The following UBR1 variants were observed in gnomAD, a reference collection of about 807,000 sequenced individuals.
UBR1 encodes the protein E3 ubiquitin-protein ligase UBR1.
A neutral mutation model predicts 242.1 loss-of-function variants in UBR1; 102 were observed. That is an observed-to-expected ratio of 0.42 (90% CI 0.36 to 0.50). The LOEUF is 0.50. Ranked by LOEUF, UBR1 falls within the 20% of genes least tolerant of loss-of-function variation. UBR1 has a pLI of 0.01. For synonymous variants in UBR1, 675 were observed against 684.8 expected, an observed-to-expected ratio of 0.99 and a Z score of 0.22; for missense variants, 1,772 against 2,101.8, an observed-to-expected ratio of 0.84 and a Z score of 3.07.
chr15:42,968,243 C>G (rs956368891), intron 40 of UBR1, among the ~76,000 whole-genome samples: 1 of 152,128 alleles, frequency 6.6e-6, no homozygotes, highest in Non-Finnish European at 1.5e-5. Context: ...ATGTGTTGAA[C>G]TTGTTTCAGT....
At chr15:43,090,092 A>G (rs1212616309) in intron 1 of UBR1, among the ~76,000 whole-genome samples, 6 of 152,228 alleles carry the variant, frequency 3.9e-5, no homozygotes, top group Non-Finnish European at 8.8e-5. Flanking sequence ...AGAGGGAGGT[A>G]AAAGAACTGT....
In UBR1 at chr15:43,082,616, G is replaced by A. The variant is rs141986071; in HGVS notation, c.417+22C>T. 2.2e-4 allele frequency: 356 copies of A among 1,601,842 alleles called. 1 individual carries two copies. The African/African-American group carries it at 4.0e-3, about 18-fold the overall frequency. Reference sequence around the variant, plus strand: ...GCCATCAGATTCCTGCTTATTCAGAGGTTATGGTTATATTTTCTTACCTTG... The same window carrying A: ...GCCATCAGATTCCTGCTTATTCAGAAGTTATGGTTATATTTTCTTACCTTG... On this transcript the variant is annotated intron_variant, in intron 3 of 46. Coordinates refer to ENST00000290650, the MANE Select transcript of UBR1 (RefSeq NM_174916.3).
intron 4 of UBR1, among the ~76,000 whole-genome samples, chr15:43,074,249 A>G (rs183576867): frequency 1.5e-3 from 228 of 152,232 alleles, no homozygotes; most frequent in Non-Finnish European, 2.7e-3. Context: ...AATTGTCTAT[A>G]TCTGGGCTTG....
At chr15:43,068,671 A>G (rs1185816514) in intron 5 of UBR1, among the ~76,000 whole-genome samples, 1 of 152,132 alleles carries the variant, frequency 6.6e-6, no homozygotes, top group Non-Finnish European at 1.5e-5. Flanking sequence ...CCCAGGCTGG[A>G]GTACGGTGGC....
intron 29 of UBR1, among the ~76,000 whole-genome samples, chr15:43,013,730 CAT>C (rs1001044507): frequency 3.3e-5 from 5 of 152,150 alleles, no homozygotes; most frequent in African/African-American, 1.2e-4. Flanking sequence ...CAATAAGTAC[CAT>C]AGAGTCTTCA....
intron 37 of UBR1, among the ~76,000 whole-genome samples, chr15:42,980,508 G>A (rs547591732): frequency 7.2e-5 from 11 of 152,288 alleles, no homozygotes; most frequent in Admixed American, 5.2e-4. Context: ...TTGAAGGATG[G>A]TGACTAGAAA....
Position 43,071,562 on chromosome 15 carries a change from G to A in UBR1, c.529-637C>T, listed in dbSNP as rs754260005. ...GTGAATATACTTAATACTACTGAAC[G>A]CTATATCTACACTACTGAACTATAT... is the stretch of plus-strand genomic sequence containing the variant. On this transcript the variant is annotated intron_variant, in intron 4 of 46. Coordinates refer to ENST00000290650, the MANE Select transcript of UBR1 (RefSeq NM_174916.3). 5.9e-5 allele frequency among the ~76,000 whole-genome samples: 9 copies of A among 151,568 alleles called. No individual in the cohort carries two copies. The South Asian group carries it at 1.7e-3, about 28-fold the overall frequency.
At chr15:42,984,178 C>A (rs78008459) in intron 36 of UBR1, among the ~76,000 whole-genome samples, 185 bp from the exon 37 acceptor site, 2 of 152,114 alleles carry the variant, frequency 1.3e-5, no homozygotes, top group Non-Finnish European at 2.9e-5. Context: ...TATGGCCTTG[C>A]TAAATTTCTA....
Position 43,070,937 on chromosome 15 carries a change from C to T in UBR1, c.529-12G>A. The stretch of plus-strand genomic sequence containing the variant: ...GGACAGCGTGAATTCTATAAAAAAG[C>T]CGAGAAAAACATACTAGTCAAGATT... On this transcript the variant is annotated splice_polypyrimidine_tract_variant and intron_variant, in intron 4 of 46. Coordinates refer to ENST00000290650, the MANE Select transcript of UBR1 (RefSeq NM_174916.3). The T allele has an allele frequency of 6.2e-7, 1 of 1,611,894 alleles. No individual in the cohort carries two copies. The highest frequency in any genetic ancestry group is 8.5e-7 in the Non-Finnish European group (1 of 1,179,854).
At position 42,950,469 on chromosome 15, in the gene UBR1, T is replaced by C. The variant is rs2031816401; in HGVS notation, c.5007-106A>G. ...AAAGACGTGGCCAATATCTGTTAGA[T>C]ATTCAGTAAAAAGACAATATAAACA... On this transcript the variant is annotated intron_variant, in intron 45 of 46. Transcript: ENST00000290650. 7.7e-6 allele frequency: 7 copies of C among 904,646 alleles called. No homozygotes were observed. In the East Asian group the frequency reaches 1.2e-4, roughly 16 times the overall value. 56.0% of individuals were successfully genotyped at this position (904,646 alleles called of 1,614,324 possible).
At chr15:43,036,922 CTT>C (rs199620473) in intron 17 of UBR1, among the ~76,000 whole-genome samples, 8 of 141,242 alleles carry the variant, frequency 5.7e-5, no homozygotes, top group Admixed American at 1.4e-4. Context: ...CCATTTTTTT[CTT>C]TTTTTTTTTT....
In UBR1 at chr15:43,032,584, G is replaced by T; in HGVS notation, c.2238C>A (p.Val746=). The change falls in exon 20 of 47, where the codon GTC becomes GTA. Residue 746 remains valine (V), a synonymous_variant. Transcript: ENST00000290650. ...TAATCTTACCCACAATATAGATGAG[G>T]ACCTGAAGCATTTCTTCTATTAGTG... ...YNTLIEEMLQ[V]LIYIVGERYV... 2 of 1,538,648 alleles carry T rather than the reference G, an allele frequency of 1.3e-6. No homozygotes were observed. The highest frequency in any genetic ancestry group is 2.2e-5 in the South Asian group (2 of 89,026).
At chr15:43,076,262 G>A (rs1414435646) in intron 3 of UBR1, among the ~76,000 whole-genome samples, 33 of 152,118 alleles carry the variant, frequency 2.2e-4, no homozygotes, top group Admixed American at 3.9e-4. Context: ...GATTGCAGAC[G>A]GAGTCTCGTT....
intron 1 of UBR1, among the ~76,000 whole-genome samples, chr15:43,097,971 A>T (rs1050694993): frequency 4.7e-4 from 71 of 152,244 alleles, no homozygotes; most frequent in Admixed American, 4.0e-3. Flanking sequence ...CACAAGAGGC[A>T]TAACTCTTGG....
intron 3 of UBR1, among the ~76,000 whole-genome samples, chr15:43,076,019 T>G (rs1344232255): frequency 6.6e-6 from 1 of 151,976 alleles, no homozygotes; most frequent in African/African-American, 2.4e-5. Context: ...CTCCCTCTGA[T>G]GCCGAGCCAA....
At position 43,036,209 on chromosome 15, in the gene UBR1, GC is replaced by G. The variant is rs1242593270; in HGVS notation, c.2158del (p.Ala720LeufsTer13). On this transcript the variant is annotated frameshift_variant, in exon 19 of 47. Transcript: ENST00000290650. LOFTEE classifies it high-confidence loss of function. ...LVLQRYELAE[A>X]FNKTISTKDQ... ...TTTTGTAGATATGGTCTTGTTAAAA[GC>G]CTCGGCAAGTTCATACCTCTGAAGT... 6.2e-7 allele frequency: 1 copy of G among 1,613,516 alleles called. No homozygotes were observed. The highest frequency in any genetic ancestry group is 8.5e-7 in the Non-Finnish European group (1 of 1,179,792).
At chr15:43,020,196 T>C (rs1003538772) in intron 27 of UBR1, among the ~76,000 whole-genome samples, 2 of 152,126 alleles carry the variant, frequency 1.3e-5, no homozygotes, top group African/African-American at 4.8e-5. Context: ...TGCCCCACCA[T>C]GCCTGGCTAA....
chr15:43,019,581 GTTTTTTTTTTT>G (rs1248631700), intron 27 of UBR1, among the ~76,000 whole-genome samples: 3 of 135,504 alleles, frequency 2.2e-5, no homozygotes, highest in Admixed American at 7.4e-5. Context: ...CTGGCTTCAG[GTTTTTTTTTTT>G]TTTTTTTTGA....
At chr15:43,068,714 G>A (rs924008646) in intron 5 of UBR1, among the ~76,000 whole-genome samples, 4 of 152,002 alleles carry the variant, frequency 2.6e-5, no homozygotes, top group Admixed American at 6.6e-5. Flanking sequence ...TCCGCCTCCC[G>A]TGTTTAAGTG....
Sources: allele counts gnomAD v4.1 joint callset (sites outside exome capture counted in the v4.1 genomes callset), GRCh38; gene constraint gnomAD v4.1.1; transcripts MANE v1.5; gene names NCBI Gene and HGNC (gene_info 2026-07-23, HGNC 2026-07-21).